The following NRG1 variants were observed in gnomAD, a reference collection of about 807,000 sequenced individuals.
NRG1 encodes neuregulin 1.
A neutral mutation model predicts 63.8 loss-of-function variants in NRG1; 18 were observed. That is an observed-to-expected ratio of 0.28 (90% CI 0.19 to 0.42). The LOEUF is 0.42. Among genes scored for constraint, NRG1 ranks in the 10% least tolerant of loss-of-function variants. The pLI is 1.00. For synonymous variants in NRG1, 302 were observed against 301.3 expected, an observed-to-expected ratio of 1.00 and a Z score of -0.02; for missense variants, 762 against 814.7, an observed-to-expected ratio of 0.94 and a Z score of 0.79.
intron 1 of NRG1, among the ~76,000 whole-genome samples, chr8:31,814,457 A>C (rs938966198): frequency 2.0e-5 from 3 of 152,104 alleles, no homozygotes; most frequent in African/African-American, 7.2e-5. Flanking sequence ...GGAGAGCTAA[A>C]TTAGGTAATG....
chr8:31,662,200 T>C (rs1016761612), intron 1 of NRG1, among the ~76,000 whole-genome samples: 1 of 152,186 alleles, frequency 6.6e-6, no homozygotes, highest in African/African-American at 2.4e-5. Flanking sequence ...TTTGTGGGCA[T>C]GGAGGAGGTT....
At chr8:32,533,266 C>T (rs988945646) in intron 1 of NRG1, among the ~76,000 whole-genome samples, 16 of 151,990 alleles carry the variant, frequency 1.1e-4, no homozygotes, top group Admixed American at 9.2e-4. Flanking sequence ...AGAGCTTGAT[C>T]TAGAAAATAT....
chr8:31,647,351 G>A (rs1804385490), intron 1 of NRG1, among the ~76,000 whole-genome samples: 1 of 152,228 alleles, frequency 6.6e-6, no homozygotes, highest in East Asian at 1.9e-4. Flanking sequence ...CAGGTGGGGT[G>A]GCATGTGCCC....
intron 1 of NRG1, among the ~76,000 whole-genome samples, chr8:32,184,141 G>A (rs1841729618): frequency 6.6e-6 from 1 of 151,650 alleles, no homozygotes; most frequent in African/African-American, 2.4e-5. Flanking sequence ...GATATATATA[G>A]ATATATAGAG....
intron 5 of NRG1, among the ~76,000 whole-genome samples, chr8:32,676,640 G>C (rs1048218225): frequency 1.3e-5 from 2 of 152,038 alleles, no homozygotes; most frequent in African/African-American, 4.8e-5. Flanking sequence ...CTTTAACAAC[G>C]GCTGACACTT....
chr8:32,097,285 G>C (rs1485388147), intron 1 of NRG1, among the ~76,000 whole-genome samples: 6 of 152,104 alleles, frequency 3.9e-5, no homozygotes, highest in African/African-American at 1.2e-4. Flanking sequence ...CTGTTATTGT[G>C]ATTAGTGCAA....
intron 1 of NRG1, among the ~76,000 whole-genome samples, chr8:32,236,538 T>C (rs4291228): frequency 0.75 from 113,348 of 151,980 alleles, 43,349 homozygotes; most frequent in African/African-American, 0.91. Context: ...CCTTAAGCCA[T>C]GAATTGGAGT....
chr8:31,931,334 A>G (rs1834846250), intron 1 of NRG1, among the ~76,000 whole-genome samples: 1 of 152,160 alleles, frequency 6.6e-6, no homozygotes, highest in Non-Finnish European at 1.5e-5. Context: ...GGAACTAAAA[A>G]AAGGCTGAGA....
chr8:32,748,522 C>A (rs1828021988), intron 7 of NRG1, among the ~76,000 whole-genome samples: 1 of 152,040 alleles, frequency 6.6e-6, no homozygotes, highest in East Asian at 1.9e-4. Flanking sequence ...TGTTTTCCCC[C>A]ACTTCCTCAA....
intron 1 of NRG1, among the ~76,000 whole-genome samples, chr8:31,953,037 G>T (rs769384394): frequency 8.6e-5 from 13 of 151,868 alleles, no homozygotes; most frequent in Non-Finnish European, 1.9e-4. Context: ...TCTTAATCAG[G>T]CAATAATTTG....
intron 1 of NRG1, among the ~76,000 whole-genome samples, chr8:32,204,907 T>C (rs1235187163): frequency 6.6e-6 from 1 of 152,206 alleles, no homozygotes; most frequent in Non-Finnish European, 1.5e-5. Flanking sequence ...AAATCATATC[T>C]ATAGCAATGA....
chr8:32,069,892 A>G (rs1407535093), intron 1 of NRG1, among the ~76,000 whole-genome samples: 2 of 152,188 alleles, frequency 1.3e-5, no homozygotes, highest in East Asian at 3.9e-4. Context: ...AAGTCCTAGC[A>G]GTGTGGCGTG....
Position 31,693,804 on chromosome 8 carries a change from G to A in NRG1, c.37+54373G>A, listed in dbSNP as rs139560275. ...TATGACTGTCCTGTCATAAATTGCC[G>A]TAGTTTCAGAGTGCATACAACATCA... On this transcript the variant is annotated intron_variant, in intron 1 of 10. Transcript: ENST00000519301. Among the ~76,000 whole-genome samples the A allele has an allele frequency of 5.4e-3, 825 of 152,220 alleles. 33 individuals are homozygous for A. In the East Asian group the frequency reaches 0.083, roughly 15 times the overall value.
intron 1 of NRG1, among the ~76,000 whole-genome samples, chr8:32,083,128 A>G (rs1402581982): frequency 6.6e-6 from 1 of 152,180 alleles, no homozygotes; most frequent in Admixed American, 6.5e-5. Flanking sequence ...GTACTCACAA[A>G]CAACAGCTGC....
chr8:31,966,715 G>T (rs1464562163), intron 1 of NRG1, among the ~76,000 whole-genome samples: 1 of 152,162 alleles, frequency 6.6e-6, no homozygotes, highest in Non-Finnish European at 1.5e-5. Context: ...TCTGGATCTA[G>T]TGAGAATAAC....
chr8:32,550,791 C>T (rs1026548770), intron 1 of NRG1, among the ~76,000 whole-genome samples: 3 of 152,184 alleles, frequency 2.0e-5, no homozygotes, highest in African/African-American at 4.8e-5. Context: ...CCCTGTAAAC[C>T]AGCTAAGTCA....
chr8:32,558,497 T>C (rs1333713310), intron 1 of NRG1, among the ~76,000 whole-genome samples: 1 of 151,962 alleles, frequency 6.6e-6, no homozygotes, highest in Non-Finnish European at 1.5e-5. Context: ...TGCACCAGTA[T>C]AGGAATAAAA....
At chr8:31,838,870 T>G (rs937446487) in intron 1 of NRG1, among the ~76,000 whole-genome samples, 5 of 152,180 alleles carry the variant, frequency 3.3e-5, no homozygotes, top group African/African-American at 9.6e-5. Flanking sequence ...CCTTTGAAAT[T>G]TGTATGCCTT....
chr8:32,750,968 C>T (rs1589588200), intron 7 of NRG1: 2 of 152,120 alleles, frequency 1.3e-5, no homozygotes, highest in Non-Finnish European at 2.9e-5. Context: ...AAAAATTCTA[C>T]CATTACCCCA....
Sources: gnomAD v4.1 joint callset for allele counts (sites outside exome capture counted in the v4.1 genomes callset) on GRCh38, gnomAD v4.1.1 for gene constraint, MANE v1.5 for transcripts, NCBI Gene and HGNC (gene_info 2026-07-23, HGNC 2026-07-21) for gene names.